The following EYS variants were observed in gnomAD, a reference collection of about 807,000 sequenced individuals.
EYS encodes protein eyes shut homolog.
Under a neutral mutation model 282.1 loss-of-function variants are expected in EYS, and 250 were observed. The ratio of observed to expected loss-of-function variants is 0.89; its 90% CI spans 0.80 to 0.98. EYS has a LOEUF of 0.98. Ranked by LOEUF, EYS falls within the 50% of genes least tolerant of loss-of-function variation. The probability of loss-of-function intolerance (pLI) is 0.00; values close to 1 mark genes in which losing one functional copy is unlikely to be tolerated. For missense variants in EYS, 4,016 were observed against 3,709.0 expected (o/e 1.08, Z -2.15); for synonymous variants, 1,355 against 1,282.9 (o/e 1.06, Z -1.20).
At chr6:65,405,637 C>T (rs1036345461) in intron 5 of EYS, among the ~76,000 whole-genome samples, 3 of 152,024 alleles carry the variant, frequency 2.0e-5, no homozygotes, top group Non-Finnish European at 4.4e-5. Flanking sequence ...CTTTTGTAGT[C>T]AATCTTTGTA....
intron 5 of EYS, among the ~76,000 whole-genome samples, chr6:65,475,573 C>A (rs1345207253): frequency 1.3e-5 from 2 of 151,858 alleles, no homozygotes; most frequent in Non-Finnish European, 2.9e-5. Context: ...TGAAAAAATT[C>A]TGAAAAGTAT....
At chr6:65,082,754 C>A (rs1046088767) in intron 12 of EYS, among the ~76,000 whole-genome samples, 10 of 151,868 alleles carry the variant, frequency 6.6e-5, no homozygotes, top group Non-Finnish European at 1.3e-4. Flanking sequence ...ACATTACTAT[C>A]AGCCTGTTTT....
At chr6:65,691,741 C>A (rs1046463879) in intron 1 of EYS, among the ~76,000 whole-genome samples, 1 of 150,354 alleles carries the variant, frequency 6.7e-6, no homozygotes, top group Admixed American at 6.7e-5. Flanking sequence ...TTTAATCCAT[C>A]TTGAGTTAAT....
chr6:65,402,318 A>AATTAAT (rs1766539145), intron 7 of EYS, among the ~76,000 whole-genome samples, 160 bp downstream of exon 7: 1 of 151,876 alleles, frequency 6.6e-6, no homozygotes, highest in Non-Finnish European at 1.5e-5. Context: ...ACAACAATTA[A>AATTAAT]CCCAAAACAT....
chr6:65,458,931 T>C (rs1264902110), intron 5 of EYS, among the ~76,000 whole-genome samples: 3 of 152,072 alleles, frequency 2.0e-5, no homozygotes, highest in Admixed American at 2.0e-4. Flanking sequence ...ACAGAGGTAA[T>C]AGAGAGACTT....
At chr6:63,791,262 G>A (rs1770502468) in intron 37 of EYS, among the ~76,000 whole-genome samples, 1 of 152,128 alleles carries the variant, frequency 6.6e-6, no homozygotes. Context: ...GAGAAGAACA[G>A]GGTATGTTTA....
intron 22 of EYS, among the ~76,000 whole-genome samples, chr6:64,633,347 C>T (rs9345325): frequency 0.12 from 18,515 of 152,042 alleles, 1,332 homozygotes; most frequent in East Asian, 0.25. Context: ...GATATTATTT[C>T]GTATCACTTT....
chr6:64,917,985 G>T (rs1345011764), intron 15 of EYS, among the ~76,000 whole-genome samples: 4 of 151,934 alleles, frequency 2.6e-5, no homozygotes, highest in Admixed American at 6.6e-5. Context: ...GGAAAGGGAA[G>T]AATTTTTTTT....
chr6:63,826,877 A>C (rs1230112768), intron 36 of EYS, among the ~76,000 whole-genome samples: 3 of 151,690 alleles, frequency 2.0e-5, no homozygotes, highest in African/African-American at 7.3e-5. Flanking sequence ...ACAAAAACAA[A>C]AAAAAAATAC....
intron 37 of EYS, among the ~76,000 whole-genome samples, chr6:63,790,941 C>G (rs1245020706): frequency 6.6e-6 from 1 of 152,148 alleles, no homozygotes; most frequent in African/African-American, 2.4e-5. Flanking sequence ...CTGTCTTGTG[C>G]TCTCCTTCCT....
At chr6:65,677,345 A>G (rs1768656478) in intron 1 of EYS, among the ~76,000 whole-genome samples, 1 of 152,002 alleles carries the variant, frequency 6.6e-6, no homozygotes, top group East Asian at 1.9e-4. Flanking sequence ...AAAAACTGTT[A>G]GAACTAGTAA....
At chr6:65,038,095 A>G (rs1201081583) in intron 13 of EYS, among the ~76,000 whole-genome samples, 4 of 151,676 alleles carry the variant, frequency 2.6e-5, no homozygotes, top group African/African-American at 9.7e-5. Context: ...TAATAATTAA[A>G]CAAATCTAAT....
intron 12 of EYS, among the ~76,000 whole-genome samples, chr6:65,107,132 T>C (rs1267616635): frequency 1.3e-5 from 2 of 152,014 alleles, no homozygotes; most frequent in Non-Finnish European, 2.9e-5. Context: ...TCAGTGCTTA[T>C]AAATGGCAGA....
intron 12 of EYS, among the ~76,000 whole-genome samples, chr6:65,157,430 C>G (rs542706335): frequency 6.6e-6 from 1 of 150,744 alleles, no homozygotes; most frequent in Admixed American, 6.6e-5. Flanking sequence ...TGACATTATT[C>G]TTATCTCTGA....
chr6:65,315,327 T>C (rs1769269868), intron 11 of EYS, among the ~76,000 whole-genome samples: 1 of 152,202 alleles, frequency 6.6e-6, no homozygotes, highest in African/African-American at 2.4e-5. Flanking sequence ...AATACTCTAC[T>C]ATACATAAAT....
intron 24 of EYS, among the ~76,000 whole-genome samples, chr6:64,594,201 T>C (rs552951057): frequency 6.6e-6 from 1 of 152,260 alleles, no homozygotes; most frequent in Admixed American, 6.5e-5. Flanking sequence ...GTTGTATAAA[T>C]GTCAGATGAT....
chr6:64,871,951 G>A (rs1766611407), intron 19 of EYS, among the ~76,000 whole-genome samples: 1 of 152,000 alleles, frequency 6.6e-6, no homozygotes, highest in Non-Finnish European at 1.5e-5. Flanking sequence ...AGAGCAGAAG[G>A]CTGAGAGGTG....
At chr6:65,037,537 G>A (rs1263538734) in intron 13 of EYS, among the ~76,000 whole-genome samples, 4 of 151,794 alleles carry the variant, frequency 2.6e-5, no homozygotes, top group South Asian at 4.1e-4. Flanking sequence ...TTTCTCTTCC[G>A]TATGATTTTC....
chr6:64,961,862 G>A (rs1161949688), intron 14 of EYS, among the ~76,000 whole-genome samples: 5 of 152,074 alleles, frequency 3.3e-5, no homozygotes, highest in African/African-American at 7.2e-5. Context: ...AAATTTGGGG[G>A]AGATAATTTC....
Sources: allele counts gnomAD v4.1 joint callset (sites outside exome capture counted in the v4.1 genomes callset), GRCh38; gene constraint gnomAD v4.1.1; transcripts MANE v1.5; gene names NCBI Gene and HGNC (gene_info 2026-07-23, HGNC 2026-07-21).